EGF: variants seen among roughly 807,000 people sequenced by gnomAD.
The protein encoded by EGF is pro-epidermal growth factor.
In EGF, 95 loss-of-function variants were observed where a neutral mutation model predicts 143.8. The ratio of observed to expected loss-of-function variants is 0.66; its 90% CI spans 0.56 to 0.78. The LOEUF (loss-of-function observed/expected upper bound fraction) is 0.78, where lower values mean the gene tolerates loss of function less well. EGF is among the 30% of genes least tolerant of loss of function. The probability of loss-of-function intolerance (pLI) is 0.00; values close to 1 mark genes in which losing one functional copy is unlikely to be tolerated. For synonymous variants in EGF, 510 were observed against 510.5 expected (o/e 1.00, Z 0.01); for missense variants, 1,320 against 1,470.9 (o/e 0.90, Z 1.68).
chr4:109,980,447 C>T (rs1256671150), intron 14 of EGF, among the ~76,000 whole-genome samples: 1 of 152,146 alleles, frequency 6.6e-6, no homozygotes, highest in Non-Finnish European at 1.5e-5. Flanking sequence ...GACACTTGGA[C>T]CTTTCCATAC....
intron 2 of EGF, among the ~76,000 whole-genome samples, chr4:109,942,615 TG>T (rs1742113043): frequency 6.6e-6 from 1 of 152,198 alleles, no homozygotes; most frequent in Non-Finnish European, 1.5e-5. Flanking sequence ...CCAGCTTACC[TG>T]CCCGTGGCTG....
At chr4:109,975,951 G>A (rs1748425342) in intron 12 of EGF, 61 bp from the exon 13 acceptor site, 1 of 1,541,312 alleles carries the variant, frequency 6.5e-7, no homozygotes, top group South Asian at 1.1e-5. Context: ...TTTCAATGAT[G>A]AAAGAACAGA....
At chr4:109,943,170 T>C (rs1742207265) in intron 2 of EGF, 84 bp from the exon 3 acceptor site, 1 of 972,402 alleles carries the variant, frequency 1.0e-6, no homozygotes, top group Non-Finnish European at 1.5e-6. Context: ...CTTAAAAGAA[T>C]AGACTTTTTA....
At chr4:109,992,959 A>T in intron 18 of EGF, among the ~76,000 whole-genome samples, 1 of 50,730 alleles carries the variant, frequency 2.0e-5, no homozygotes, top group Admixed American at 3.2e-4. Flanking sequence ...GGGTGGGGGG[A>T]GGGGGGAGGG....
Position 109,969,023 on chromosome 4 carries a change from G to T in EGF, c.1628G>T (p.Gly543Val), listed in dbSNP as rs1747121814. ...TGGATAGAGAGAGCTAATATGGATGGTTCCCAGCGAGAAAGGCTTATTGAG... is the reference window on the plus strand; with the variant it reads ...TGGATAGAGAGAGCTAATATGGATGTTTCCCAGCGAGAAAGGCTTATTGAG... ...LKWIERANMD[G>V]SQRERLIEEG... The change falls in exon 11 of 24, where the codon GGT becomes GTT. Residue 543 changes from glycine (G) to valine (V), a missense_variant. Around this residue, in one of 5 missense-constraint regions of EGF, gnomAD observed 1,186 missense variants for 1,313.7 expected, o/e 0.90. Transcript: ENST00000265171. The T allele has an allele frequency of 2.5e-6, 4 of 1,614,170 alleles. No individual in the cohort carries two copies. In the East Asian group the frequency reaches 8.9e-5, roughly 36 times the overall value.
At chr4:110,004,252 A>G (rs1019073573) in intron 21 of EGF, 26 of 496,724 alleles carry the variant, frequency 5.2e-5, no homozygotes, top group Non-Finnish European at 8.8e-5. Context: ...ACACACACAC[A>G]AACACACACA....
intron 1 of EGF, among the ~76,000 whole-genome samples, chr4:109,926,146 A>T (rs1738597512): frequency 6.6e-6 from 1 of 152,108 alleles, no homozygotes; most frequent in African/African-American, 2.4e-5. Context: ...TTGAGGCCAG[A>T]GTTTGTGACC....
chr4:109,996,794 G>A (rs1016643845), intron 20 of EGF, among the ~76,000 whole-genome samples: 4 of 152,146 alleles, frequency 2.6e-5, no homozygotes, highest in Admixed American at 1.3e-4. Flanking sequence ...GGTATTCCTC[G>A]AAGATTTCCT....
At chr4:109,988,523 A>T in intron 17 of EGF, 61 bp from the exon 18 acceptor site, 19 of 1,610,916 alleles carry the variant, frequency 1.2e-5, no homozygotes, top group Admixed American at 1.7e-5. Context: ...ATTCTTTCCA[A>T]CTAGTCCCAT....
chr4:109,944,438 C>A (rs1002341294), intron 4 of EGF, among the ~76,000 whole-genome samples: 4 of 152,168 alleles, frequency 2.6e-5, no homozygotes, highest in African/African-American at 9.7e-5. Flanking sequence ...GACTCCGTCT[C>A]AAGAAAAAGA....
At chr4:109,926,213 C>T (rs980215325) in intron 1 of EGF, among the ~76,000 whole-genome samples, 1 of 152,062 alleles carries the variant, frequency 6.6e-6, no homozygotes, top group African/African-American at 2.4e-5. Flanking sequence ...CTTAGCTGGG[C>T]ATGGTGGTAT....
chr4:109,962,530 T>C (rs1309435447), intron 8 of EGF, among the ~76,000 whole-genome samples: 1 of 152,050 alleles, frequency 6.6e-6, no homozygotes, highest in African/African-American at 2.4e-5. Context: ...GAGAAAAAAA[T>C]TACTAGGAAG....
At chr4:109,944,846 A>G (rs1312059994) in intron 4 of EGF, among the ~76,000 whole-genome samples, 2 of 152,212 alleles carry the variant, frequency 1.3e-5, no homozygotes, top group Non-Finnish European at 2.9e-5. Context: ...GATGACTAAA[A>G]GAAGAATGAG....
chr4:109,999,759 A>C lies in EGF; in HGVS notation c.3086A>C (p.Gln1029Pro), dbSNP rs1476042372. ...WWELRHAGHGQQQKVIVVAVC... is the reference protein window; with the variant it reads ...WWELRHAGHGPQQKVIVVAVC... ...GAACTGCGCCACGCTGGCCACGGGC[A>C]GCAGCAGAAGGTCATCGTGGTGGCT... Residue 1029 changes from glutamine to proline, a missense_variant, in exon 21 of 24, where the codon CAG (glutamine) becomes CCG (proline). Physicochemically the swap from Gln to Pro is moderately conservative, Grantham distance 76. This residue lies in a region of EGF where 1,186 missense variants were observed against 1,313.7 expected (regional missense o/e 0.90). Coordinates refer to ENST00000265171, the MANE Select transcript of EGF (RefSeq NM_001963.6). 1 of 1,613,962 alleles carries C rather than the reference A, an allele frequency of 6.2e-7. No individual in the cohort carries two copies. The highest frequency in any genetic ancestry group is 2.2e-5 in the East Asian group (1 of 44,872).
At chr4:109,926,324 G>T (rs1738632513) in intron 1 of EGF, among the ~76,000 whole-genome samples, 1 of 151,444 alleles carries the variant, frequency 6.6e-6, no homozygotes, top group Non-Finnish European at 1.5e-5. Flanking sequence ...CTGCACTCCA[G>T]CCTGGGCAAC....
chr4:109,921,569 G>T (rs545741656), intron 1 of EGF, among the ~76,000 whole-genome samples: 1 of 151,640 alleles, frequency 6.6e-6, no homozygotes, highest in African/African-American at 2.4e-5. Context: ...TCCCAGTGAT[G>T]TAAGAGTCCT....
At chr4:109,938,199 G>A (rs533247779) in intron 1 of EGF, among the ~76,000 whole-genome samples, 1 of 152,078 alleles carries the variant, frequency 6.6e-6, no homozygotes, top group African/African-American at 2.4e-5. Context: ...TTTCTTTGAG[G>A]CTTTGTTTGT....
intron 19 of EGF, 124 bp from the exon 20 acceptor site, chr4:109,994,609 A>T: frequency 1.8e-6 from 2 of 1,120,398 alleles, no homozygotes; most frequent in Non-Finnish European, 2.7e-6. Flanking sequence ...TGTCCCTTCT[A>T]GTAGTTCTTC....
intron 10 of EGF, among the ~76,000 whole-genome samples, chr4:109,965,203 A>C (rs1255751273): frequency 2.0e-5 from 3 of 152,114 alleles, no homozygotes; most frequent in African/African-American, 7.2e-5. Flanking sequence ...GAGATTAATC[A>C]CCCAATAATG....
Sources: allele counts gnomAD v4.1 joint callset (sites outside exome capture counted in the v4.1 genomes callset), GRCh38; gene constraint gnomAD v4.1.1; regional missense constraint gnomAD v4.1.1; transcripts MANE v1.5; gene names NCBI Gene and HGNC (gene_info 2026-07-23, HGNC 2026-07-21).